The following SPACA1 variants were observed in gnomAD, a reference collection of about 807,000 sequenced individuals.
SPACA1 encodes the protein sperm acrosome associated 1, also known as sperm acrosome membrane-associated protein 1.
Under a neutral mutation model 32.6 loss-of-function variants are expected in SPACA1, and 17 were observed. The ratio of observed to expected loss-of-function variants is 0.52; its 90% CI spans 0.36 to 0.78. The LOEUF is 0.78. Ranked by LOEUF, SPACA1 falls within the 30% of genes least tolerant of loss-of-function variation. The probability of loss-of-function intolerance (pLI) is 0.01; values close to 1 mark genes in which losing one functional copy is unlikely to be tolerated. For synonymous variants in SPACA1, 140 were observed against 138.1 expected (o/e 1.01, Z -0.10); for missense variants, 363 against 373.4 (o/e 0.97, Z 0.23).
intron 1 of SPACA1, among the ~76,000 whole-genome samples, chr6:88,052,612 G>A (rs1250423555): frequency 1.3e-5 from 2 of 152,146 alleles, no homozygotes; most frequent in Non-Finnish European, 2.9e-5. Flanking sequence ...TGAGGCTGGT[G>A]GATCACTTGA....
At position 88,066,449 on chromosome 6, in the gene SPACA1, G is replaced by A; in HGVS notation, c.*114G>A. On this transcript the variant is annotated 3_prime_UTR_variant, in exon 7 of 7. Transcript: ENST00000237201. ...TAATGTTGCGATGGATTGCCACAGTGTGAAGGAAATGCAGTGTGGGGATAG... is the reference window on the plus strand; with the variant it reads ...TAATGTTGCGATGGATTGCCACAGTATGAAGGAAATGCAGTGTGGGGATAG... 9.9e-7 allele frequency: 1 copy of A among 1,007,506 alleles called. No homozygotes were observed. The highest frequency in any genetic ancestry group is 1.4e-6 in the Non-Finnish European group (1 of 731,944). 62.4% of individuals were successfully genotyped at this position (1,007,506 alleles called of 1,614,324 possible). A position where few individuals can be genotyped will look rare whatever the true frequency, so the allele number is the denominator to read the frequency against.
Position 88,054,007 on chromosome 6 carries a change from G to A in SPACA1, c.265+5G>A. Reference sequence around the variant, plus strand: ...GAATGTGCACCGTTACATGTGGTAAGTAGCTTGGAGCAGATGAATAAACCA... The same window carrying A: ...GAATGTGCACCGTTACATGTGGTAAATAGCTTGGAGCAGATGAATAAACCA... On this transcript the variant is annotated splice_donor_5th_base_variant and intron_variant, in intron 2 of 6. Coordinates refer to ENST00000237201, the MANE Select transcript of SPACA1 (RefSeq NM_030960.3). 1 of 1,613,210 alleles carries A rather than the reference G, an allele frequency of 6.2e-7. No individual in the cohort carries two copies. Among genetic ancestry groups the A allele is most frequent in the Non-Finnish European group, 8.5e-7 (1 of 1,179,426 alleles).
At chr6:88,061,080 TG>T (rs1468450250) in intron 5 of SPACA1, among the ~76,000 whole-genome samples, 1 of 152,226 alleles carries the variant, frequency 6.6e-6, no homozygotes, top group Non-Finnish European at 1.5e-5. Flanking sequence ...CAGACCCCTT[TG>T]GCTGATTAGA....
At chr6:88,060,360 T>G (rs746798128) in intron 5 of SPACA1, among the ~76,000 whole-genome samples, 8 of 152,196 alleles carry the variant, frequency 5.3e-5, no homozygotes, top group Non-Finnish European at 1.2e-4. Flanking sequence ...AGGCTCAGGA[T>G]CCTTTTTCCA....
At chr6:88,061,332 T>C (rs751600160) in intron 5 of SPACA1, among the ~76,000 whole-genome samples, 1 of 152,044 alleles carries the variant, frequency 6.6e-6, no homozygotes, top group Non-Finnish European at 1.5e-5. Flanking sequence ...TTTTTACAGA[T>C]GTAATTAGTT....
In SPACA1 at chr6:88,047,933, G is replaced by A; in HGVS notation, c.28G>A (p.Ala10Thr). The A allele has an allele frequency of 1.3e-6, 2 of 1,563,722 alleles. No homozygotes were observed. The highest frequency in any genetic ancestry group is 1.9e-5 in the Admixed American group (1 of 52,634). Residue 10 changes from alanine to threonine, a missense_variant, in exon 1 of 7, where the codon GCC becomes ACC. Physicochemically the swap from Ala to Thr is moderately conservative, Grantham distance 58. Coordinates refer to ENST00000237201, the MANE Select transcript of SPACA1 (RefSeq NM_030960.3). Reference protein sequence around the residue: MSPRGTGCSAGLLMTVGWLL... With the variant: MSPRGTGCSTGLLMTVGWLL... ...GAGCCCCAGGGGCACGGGCTGCTCC[G>A]CCGGGCTGCTGATGACTGTCGGCTG...
At position 88,058,822 on chromosome 6, in the gene SPACA1, A is replaced by G. The variant is rs201149863; in HGVS notation, c.474A>G (p.Gln158=). 1 of 1,596,632 alleles carries G rather than the reference A, an allele frequency of 6.3e-7. No individual in the cohort carries two copies. Among genetic ancestry groups the G allele is most frequent in the African/African-American group, 1.3e-5 (1 of 74,518 alleles). Residue 158 remains glutamine, a splice_region_variant and synonymous_variant, in exon 4 of 7, where the codon CAA becomes CAG. Coordinates refer to ENST00000237201, the MANE Select transcript of SPACA1 (RefSeq NM_030960.3). ...KYMWKLLRQD[Q]QSIILVNDSA... ...TGTGGAAACTTCTAAGACAAGACCA[A>G]GTGAGTAATGAATGGATATAACCTG...
At chr6:88,058,641 GA>G (rs926680752) in intron 3 of SPACA1, 74 bp from the exon 4 acceptor site, 3,991 of 925,520 alleles carry the variant, frequency 4.3e-3, no homozygotes, top group Admixed American at 5.7e-3. Context: ...CCTGTCTCAG[GA>G]AAAAAAAAAG....
intron 1 of SPACA1, 38 bp downstream of exon 1, chr6:88,048,151 C>A (rs772501010): frequency 4.5e-6 from 7 of 1,543,630 alleles, no homozygotes; most frequent in Non-Finnish European, 5.3e-6. Context: ...ACGCGGAGGC[C>A]CCTGTTGACG....
intron 2 of SPACA1, among the ~76,000 whole-genome samples, chr6:88,054,862 A>G (rs1395890806): frequency 1.3e-5 from 2 of 152,174 alleles, no homozygotes; most frequent in South Asian, 2.1e-4. Flanking sequence ...GTTTTTAAAC[A>G]TACAAGTCCG....
At chr6:88,047,692 G>C (rs893455344), upstream of SPACA1, 51 of 526,764 alleles carry the variant, frequency 9.7e-5, 1 homozygote, top group East Asian at 1.6e-3. Context: ...GCTTCTCGTC[G>C]CGTTCCGTCT....
At chr6:88,064,400 T>C (rs767353067) in intron 6 of SPACA1, 181 bp downstream of exon 6, 4 of 429,588 alleles carry the variant, frequency 9.3e-6, no homozygotes, top group Non-Finnish European at 1.2e-5. Flanking sequence ...TTTATGTAGA[T>C]GCTTTTTAAA....
At chr6:88,059,686 C>G in intron 5 of SPACA1, 98 bp downstream of exon 5, 1 of 1,199,848 alleles carries the variant, frequency 8.3e-7, no homozygotes, top group Non-Finnish European at 1.1e-6. Context: ...TCTAGCCCTC[C>G]CCCCAGAGTT....
At chr6:88,056,562 A>G (rs1422149458) in intron 2 of SPACA1, among the ~76,000 whole-genome samples, 1 of 152,172 alleles carries the variant, frequency 6.6e-6, no homozygotes. Flanking sequence ...CCCATTCAAG[A>G]ACAGCTGAAT....
At chr6:88,047,337 CA>C (rs1775651713), upstream of SPACA1, among the ~76,000 whole-genome samples, 1 of 152,152 alleles carries the variant, frequency 6.6e-6, no homozygotes, top group Admixed American at 6.5e-5. Context: ...TCTTCTTACT[CA>C]AAGTCTATTA....
chr6:88,053,932 C>T lies in SPACA1; in HGVS notation c.209-14C>T, dbSNP rs112112414. The stretch of plus-strand genomic sequence containing the variant: ...CATATAATTAAATAATGTATCTTTA[C>T]CCTTTATGTTTAGTTTCAAATAGGA... On this transcript the variant is annotated splice_polypyrimidine_tract_variant and intron_variant, in intron 1 of 6. Transcript: ENST00000237201. 7,579 of 1,609,544 alleles carry T rather than the reference C, an allele frequency of 4.7e-3. 285 individuals are homozygous for T. In the African/African-American group the frequency reaches 0.084, roughly 18 times the overall value.
At chr6:88,062,886 T>G (rs1176636056) in intron 5 of SPACA1, among the ~76,000 whole-genome samples, 2 of 152,184 alleles carry the variant, frequency 1.3e-5, no homozygotes, top group Non-Finnish European at 2.9e-5. Flanking sequence ...ATCATAGTCT[T>G]AAGTGTAAAA....
At chr6:88,052,429 C>T (rs1489781167) in intron 1 of SPACA1, among the ~76,000 whole-genome samples, 1 of 152,130 alleles carries the variant, frequency 6.6e-6, no homozygotes, top group African/African-American at 2.4e-5. Flanking sequence ...CTAAGCATTC[C>T]ACAATTCAAA....
intron 2 of SPACA1, among the ~76,000 whole-genome samples, chr6:88,057,409 G>A (rs755352098): frequency 6.6e-6 from 1 of 152,094 alleles, no homozygotes. Flanking sequence ...AGTGTTTCAC[G>A]TAACTCACTC....
Sources: allele counts gnomAD v4.1 joint callset (sites outside exome capture counted in the v4.1 genomes callset), GRCh38; gene constraint gnomAD v4.1.1; transcripts MANE v1.5; gene names NCBI Gene and HGNC (gene_info 2026-07-23, HGNC 2026-07-21).